OR5T2: variants seen among roughly 807,000 people sequenced by gnomAD.
OR5T2 encodes the protein olfactory receptor family 5 subfamily T member 2.
A neutral mutation model predicts 13.7 loss-of-function variants in OR5T2; 12 were observed. The ratio of observed to expected loss-of-function variants is 0.88; its 90% CI spans 0.56 to 1.42. The LOEUF (loss-of-function observed/expected upper bound fraction) is 1.42. Ranked by LOEUF, OR5T2 falls within the 40% of genes most tolerant of loss-of-function variation. The probability of loss-of-function intolerance (pLI) is 0.00; values close to 1 mark genes in which losing one functional copy is unlikely to be tolerated. For missense variants in OR5T2, 475 were observed against 372.0 expected (o/e 1.28, Z -2.28); for synonymous variants, 146 against 139.5 (o/e 1.05, Z -0.33).
rs756066842 is a variant in OR5T2 at position 56,232,386 on chromosome 11, A to G, written c.677T>C (p.Met226Thr). 5 of 1,610,670 alleles carry G rather than the reference A, an allele frequency of 3.1e-6. 1 individual carries two copies. The highest frequency in any genetic ancestry group is 2.2e-5 in the South Asian group (2 of 90,674). ...TTTTCTCCTCCCTTCAGCAGAATAC[A>G]TCTTCAGAATGGCCAACAGAATCAA... ...YGLILLAILK[M>T]YSAEGRRKVF... The change falls in exon 2 of 2, where the codon ATG becomes ACG. Residue 226 changes from methionine to threonine, a missense_variant. Met to Thr is a moderately conservative substitution (Grantham distance 81, BLOSUM62 -1). Transcript: ENST00000641661.
rs372087747 is a variant in OR5T2, at chr11:56,232,597, T to C, written c.466A>G (p.Ile156Val). 45 of 1,613,992 alleles carry C rather than the reference T, an allele frequency of 2.8e-5. No individual in the cohort carries two copies. In the Middle Eastern group the frequency reaches 6.6e-4, roughly 24 times the overall value. Residue 156 changes from isoleucine (I) to valine (V), a missense_variant, in exon 2 of 2, where the codon ATA (isoleucine) becomes GTA (valine). Physicochemically the swap from Ile to Val is conservative, Grantham distance 29. Coordinates refer to ENST00000641661, the MANE Select transcript of OR5T2 (RefSeq NM_001004746.4). ...AGGCTAAATGTAGCCACTGTATGTA[T>C]AGTAGCATGTAAAATGCCAGCAACA... ...SYVAGILHAT[I>V]HTVATFSLSF...
At position 56,232,995 on chromosome 11, in the gene OR5T2, G is replaced by A. The variant is rs11227599; in HGVS notation, c.68C>T (p.Thr23Ile). Residue 23 changes from threonine (T) to isoleucine (I), a missense_variant, in exon 2 of 2, where the codon ACT (threonine) becomes ATT (isoleucine). By Grantham distance (89) the Thr-to-Ile change is moderately conservative. Transcript: ENST00000641661. ...KGFTDNLELQ[T>I]IFFFLFLAIY... ...TGCTAGAAACAGGAAGAAGAAGATA[G>A]TCTGCAGTTCAAGATTGTCTGTGAA... 318,134 of 1,601,484 alleles carry A rather than the reference G, an allele frequency of 0.2. 32,998 individuals carry two copies. Among genetic ancestry groups the A allele is most frequent in the Non-Finnish European group, 0.2 (239,176 of 1,172,132 alleles).
At position 56,232,324 on chromosome 11, in the gene OR5T2, A is replaced by T; in HGVS notation, c.739T>A (p.Ser247Thr). 6.2e-7 allele frequency: 1 copy of T among 1,608,494 alleles called. No homozygotes were observed. Among genetic ancestry groups the T allele is most frequent in the Non-Finnish European group, 8.5e-7 (1 of 1,177,322 alleles). Reference protein sequence around the residue: ...STCGAHLTGVSIYYGTILFMY... With the variant: ...STCGAHLTGVTIYYGTILFMY... ...AAGAGGATTGTCCCATAATAAATTGACACTCCAGTTAGGTGAGCTCCACAT... is the reference window on the plus strand; with the variant it reads ...AAGAGGATTGTCCCATAATAAATTGTCACTCCAGTTAGGTGAGCTCCACAT... Residue 247 changes from serine (S) to threonine (T), a missense_variant, in exon 2 of 2, where the codon TCA becomes ACA. Physicochemically the swap from Ser to Thr is moderately conservative, Grantham distance 58. Transcript: ENST00000641661.
At position 56,232,796 on chromosome 11, in the gene OR5T2, G is replaced by A; in HGVS notation, c.267C>T (p.Val89=). The A allele has an allele frequency of 6.2e-7, 1 of 1,613,958 alleles. No individual in the cohort carries two copies. The highest frequency in any genetic ancestry group is 8.5e-7 in the Non-Finnish European group (1 of 1,179,884). The part of the protein sequence containing the change: ...MLVDFTTKNK[V]ISFLGCVAQV... Reference sequence around the variant, plus strand: ...GTGCTACACATCCAAGGAATGAAATGACTTTATTCTTTGTCGTAAAATCTA... The same window carrying A: ...GTGCTACACATCCAAGGAATGAAATAACTTTATTCTTTGTCGTAAAATCTA... The change falls in exon 2 of 2, where the codon GTC becomes GTT. Residue 89 remains valine, a synonymous_variant. Coordinates refer to ENST00000641661, the MANE Select transcript of OR5T2 (RefSeq NM_001004746.4).
In OR5T2 at chr11:56,233,192, A is replaced by G; in HGVS notation, c.-130T>C. On this transcript the variant is annotated 5_prime_UTR_variant, in exon 2 of 2. The change abolishes the stop of an existing upstream ORF in the 5' untranslated region. Coordinates refer to ENST00000641661, the MANE Select transcript of OR5T2 (RefSeq NM_001004746.4). Reference sequence around the variant, plus strand: ...TGTATATACTGTACGACATATATTCAGCAGTGCATAATTCTCTAGTAGTGA... The same window carrying G: ...TGTATATACTGTACGACATATATTCGGCAGTGCATAATTCTCTAGTAGTGA... 1.3e-6 allele frequency: 2 copies of G among 1,502,980 alleles called. No homozygotes were observed. Among genetic ancestry groups the G allele is most frequent in the Non-Finnish European group, 1.8e-6 (2 of 1,124,722 alleles). 93.1% of individuals were successfully genotyped at this position (1,502,980 alleles called of 1,614,324 possible). A position where few individuals can be genotyped will look rare whatever the true frequency, so the allele number is the denominator to read the frequency against.
At position 56,233,010 on chromosome 11, in the gene OR5T2, TTGTC is replaced by T; in HGVS notation, c.49_52del (p.Asp17IlefsTer13). Reference sequence around the variant, plus strand: ...GAAGAAGATAGTCTGCAGTTCAAGATTGTCTGTGAAGCCCTTCAGTACAAATAAG... The same window carrying T: ...GAAGAAGATAGTCTGCAGTTCAAGATTGTGAAGCCCTTCAGTACAAATAAG... On this transcript the variant is annotated frameshift_variant, in exon 2 of 2. Coordinates refer to ENST00000641661, the MANE Select transcript of OR5T2 (RefSeq NM_001004746.4). LOFTEE classifies it high-confidence loss of function. The T allele has an allele frequency of 6.2e-7, 1 of 1,605,792 alleles. No homozygotes were observed. Among genetic ancestry groups the T allele is most frequent in the Non-Finnish European group, 8.5e-7 (1 of 1,174,910 alleles).
chr11:56,233,895 T>A (rs1853332694), intron 1 of OR5T2, among the ~76,000 whole-genome samples: 1 of 151,884 alleles, frequency 6.6e-6, no homozygotes, highest in Non-Finnish European at 1.5e-5. Context: ...GACAGGCATT[T>A]CTACTAGATG....
Position 56,232,969 on chromosome 11 carries a change from T to C in OR5T2, c.94A>G (p.Ile32Val), listed in dbSNP as rs1853313437. Residue 32 changes from isoleucine (I) to valine (V), a missense_variant, in exon 2 of 2, where the codon ATC becomes GTC. Coordinates refer to ENST00000641661, the MANE Select transcript of OR5T2 (RefSeq NM_001004746.4). ...TTTCCCATGAGAGTGAAGAGGTAGA[T>C]TGCTAGAAACAGGAAGAAGAAGATA... ...QTIFFFLFLA[I>V]YLFTLMGNLG... 8.7e-6 allele frequency: 14 copies of C among 1,609,564 alleles called. No individual in the cohort carries two copies. Among genetic ancestry groups the C allele is most frequent in the Non-Finnish European group, 1.2e-5 (14 of 1,178,064 alleles).
Position 56,232,500 on chromosome 11 carries a change from G to T in OR5T2, c.563C>A (p.Ser188Tyr). Residue 188 changes from serine (S) to tyrosine (Y), a missense_variant, in exon 2 of 2, where the codon TCT becomes TAT. Physicochemically the swap from Ser to Tyr is moderately radical, Grantham distance 144. Coordinates refer to ENST00000641661, the MANE Select transcript of OR5T2 (RefSeq NM_001004746.4). ...DIPPLLAISY[S>Y]DTHTNQLLLF... ...TAGAAGCTGGTTTGTGTGAGTGTCA[G>T]AATAAGAAATAGCAAGGAGAGGAGG... 1.2e-6 allele frequency: 2 copies of T among 1,608,244 alleles called. No homozygotes were observed. The highest frequency in any genetic ancestry group is 1.1e-5 in the South Asian group (1 of 90,092).
In OR5T2 at chr11:56,232,860, T is replaced by C; in HGVS notation, c.203A>G (p.Asp68Gly). The C allele has an allele frequency of 1.2e-6, 2 of 1,612,526 alleles. No individual in the cohort carries two copies. Among genetic ancestry groups the C allele is most frequent in the Non-Finnish European group, 1.7e-6 (2 of 1,179,240 alleles). The change falls in exon 2 of 2, where the codon GAT becomes GGT. Residue 68 changes from aspartate (D) to glycine (G), a missense_variant. Physicochemically the swap from Asp to Gly is moderately conservative, Grantham distance 94. Coordinates refer to ENST00000641661, the MANE Select transcript of OR5T2 (RefSeq NM_001004746.4). ...YYFLSMLSSV[D>G]ACYSSVITPN... is the part of the protein sequence containing the mutation. ...GGTAATAACTGAGGAATAGCAGGCA[T>C]CCACAGAAGACAACATACTCAGAAA...
Position 56,232,042 on chromosome 11 carries a change from C to T in OR5T2, c.*64G>A. The stretch of plus-strand genomic sequence containing the variant: ...ACCCTGGATGGAAACCAACATATAT[C>T]ATAACACCACAATGACACATTCTTG... On this transcript the variant is annotated 3_prime_UTR_variant, in exon 2 of 2. Transcript: ENST00000641661. 1 of 1,353,990 alleles carries T rather than the reference C, an allele frequency of 7.4e-7. No homozygotes were observed. Among genetic ancestry groups the T allele is most frequent in the South Asian group, 1.6e-5 (1 of 63,548 alleles). 83.9% of individuals were successfully genotyped at this position (1,353,990 alleles called of 1,614,324 possible).
In OR5T2 at chr11:56,232,072, T is replaced by C. The variant is rs369722732; in HGVS notation, c.*34A>G. The stretch of plus-strand genomic sequence containing the variant: ...CACCACAATGACACATTCTTGGTAT[T>C]GAGGTGCAGAGTATCACCCTCACCT... On this transcript the variant is annotated 3_prime_UTR_variant, in exon 2 of 2. Transcript: ENST00000641661. The C allele has an allele frequency of 1.4e-6, 2 of 1,471,438 alleles. No individual in the cohort carries two copies. The highest frequency in any genetic ancestry group is 1.8e-6 in the Non-Finnish European group (2 of 1,101,798). 91.1% of individuals were successfully genotyped at this position (1,471,438 alleles called of 1,614,324 possible).
rs1853287871 is a variant in OR5T2 at position 56,232,035 on chromosome 11, C to T, written c.*71G>A. Reference sequence around the variant, plus strand: ...GCCAGGAACCCTGGATGGAAACCAACATATATCATAACACCACAATGACAC... The same window carrying T: ...GCCAGGAACCCTGGATGGAAACCAATATATATCATAACACCACAATGACAC... On this transcript the variant is annotated 3_prime_UTR_variant, in exon 2 of 2. Transcript: ENST00000641661. 1 of 1,279,392 alleles carries T rather than the reference C, an allele frequency of 7.8e-7. No individual in the cohort carries two copies. Among genetic ancestry groups the T allele is most frequent in the Non-Finnish European group, 1.1e-6 (1 of 948,514 alleles). 79.3% of individuals were successfully genotyped at this position (1,279,392 alleles called of 1,614,324 possible). A position where few individuals can be genotyped will look rare whatever the true frequency, so the allele number is the denominator to read the frequency against.
Position 56,232,440 on chromosome 11 carries a change from G to A in OR5T2, c.623C>T (p.Thr208Ile), listed in dbSNP as rs1565082578. The change falls in exon 2 of 2, where the codon ACT (threonine) becomes ATT (isoleucine). Residue 208 changes from threonine (T) to isoleucine (I), a missense_variant. Transcript: ENST00000641661. ...ATAGGAGATCAGAACAATCAGGATA[G>A]TGACCAGCTCGATAGAGCCCACAAA... ...FYFVGSIELVTILIVLISYGL... is the reference protein window; with the variant it reads ...FYFVGSIELVIILIVLISYGL... 3.1e-6 allele frequency: 5 copies of A among 1,609,210 alleles called. No homozygotes were observed. The Middle Eastern group carries it at 5.0e-4, about 161-fold the overall frequency.
At position 56,231,923 on chromosome 11, in the gene OR5T2, G is replaced by A; in HGVS notation, c.*183C>T. ...CCCAGCCTTGGTGCAAGTGAAAGGA[G>A]GGCAGGAGAAGGTAAAAGGCCTGCC... On this transcript the variant is annotated 3_prime_UTR_variant, in exon 2 of 2. Transcript: ENST00000641661. The A allele has an allele frequency of 2.1e-6, 1 of 484,978 alleles. No individual in the cohort carries two copies. Among genetic ancestry groups the A allele is most frequent in the Non-Finnish European group, 3.5e-6 (1 of 282,278 alleles). The allele number at this position is 484,978 out of a possible 1,614,324, so 30.0% of individuals were successfully genotyped here.
rs1360427013 is a variant in OR5T2 at position 56,232,884 on chromosome 11, A to T, written c.179T>A (p.Phe60Tyr). ...ATCCACAGAAGACAACATACTCAGA[A>T]AATAGTACATGGGTTTGTGGAGCTG... Reference protein sequence around the residue: ...DSQLHKPMYYFLSMLSSVDAC... With the variant: ...DSQLHKPMYYYLSMLSSVDAC... Residue 60 changes from phenylalanine to tyrosine, a missense_variant, in exon 2 of 2, where the codon TTT becomes TAT. Coordinates refer to ENST00000641661, the MANE Select transcript of OR5T2 (RefSeq NM_001004746.4). The T allele has an allele frequency of 6.2e-7, 1 of 1,612,200 alleles. No homozygotes were observed. The highest frequency in any genetic ancestry group is 1.7e-5 in the Admixed American group (1 of 59,836).
rs551732972 is a variant in OR5T2, at chr11:56,233,244, G to A, written c.-182C>T. 17 of 1,401,790 alleles carry A rather than the reference G, an allele frequency of 1.2e-5. No homozygotes were observed. The highest frequency in any genetic ancestry group is 1.6e-5 in the Non-Finnish European group (17 of 1,059,742). 86.8% of individuals were successfully genotyped at this position (1,401,790 alleles called of 1,614,324 possible). Reference sequence around the variant, plus strand: ...TCAGAAGACAGTGACAAACTGGTCAGCCATGTGTTCATGCCACTCACTGCA... The same window carrying A: ...TCAGAAGACAGTGACAAACTGGTCAACCATGTGTTCATGCCACTCACTGCA... On this transcript the variant is annotated 5_prime_UTR_variant, in exon 2 of 2. Coordinates refer to ENST00000641661, the MANE Select transcript of OR5T2 (RefSeq NM_001004746.4).
chr11:56,231,641 G>A lies in OR5T2; in HGVS notation c.*465C>T, dbSNP rs988052486. On this transcript the variant is annotated 3_prime_UTR_variant, in exon 2 of 2. Transcript: ENST00000641661. ...AAACATATTACTGGCTTATTGAAAAGGATATTGCAAAGGACACTGGTGAAG... is the reference window on the plus strand; with the variant it reads ...AAACATATTACTGGCTTATTGAAAAAGATATTGCAAAGGACACTGGTGAAG... 6.5e-6 allele frequency: 1 copy of A among 153,066 alleles called. No homozygotes were observed. The highest frequency in any genetic ancestry group is 1.5e-5 in the Non-Finnish European group (1 of 68,726). The allele number at this position is 153,066 out of a possible 1,614,324, so 9.5% of individuals were successfully genotyped here. A position where few individuals can be genotyped will look rare whatever the true frequency, so the allele number is the denominator to read the frequency against.
Position 56,232,955 on chromosome 11 carries a change from A to T in OR5T2, c.108T>A (p.Thr36=), listed in dbSNP as rs377079573. 5.6e-6 allele frequency: 9 copies of T among 1,610,806 alleles called. No homozygotes were observed. Among genetic ancestry groups the T allele is most frequent in the Non-Finnish European group, 7.6e-6 (9 of 1,178,650 alleles). Residue 36 remains threonine, a synonymous_variant, in exon 2 of 2, where the codon ACT becomes ACA. Coordinates refer to ENST00000641661, the MANE Select transcript of OR5T2 (RefSeq NM_001004746.4). ...FFLFLAIYLF[T]LMGNLGLILV... is the part of the protein sequence containing the mutation. ...AAATCAGTCCTAAATTTCCCATGAG[A>T]GTGAAGAGGTAGATTGCTAGAAACA...
Sources: gnomAD v4.1 joint callset for allele counts (sites outside exome capture counted in the v4.1 genomes callset) on GRCh38, gnomAD v4.1.1 for gene constraint, MANE v1.5 for transcripts, NCBI Gene and HGNC (gene_info 2026-07-23, HGNC 2026-07-21) for gene names.